The following ROBO2 variants were observed in gnomAD, a reference collection of about 807,000 sequenced individuals.
ROBO2 encodes the protein roundabout guidance receptor 2.
A neutral mutation model predicts 160.8 loss-of-function variants in ROBO2; 53 were observed. The ratio of observed to expected loss-of-function variants is 0.33; its 90% CI spans 0.26 to 0.41. The LOEUF (loss-of-function observed/expected upper bound fraction) is 0.41, where lower values mean the gene tolerates loss of function less well. Ranked by LOEUF, ROBO2 falls within the 10% of genes least tolerant of loss-of-function variation. The pLI is 1.00. For synonymous variants in ROBO2, 664 were observed against 611.7 expected, an observed-to-expected ratio of 1.09 and a Z score of -1.26; for missense variants, 1,577 against 1,722.4, an observed-to-expected ratio of 0.92 and a Z score of 1.49.
intron 2 of ROBO2, among the ~76,000 whole-genome samples, chr3:76,096,757 A>G (rs889817443): frequency 2.7e-4 from 41 of 152,328 alleles, no homozygotes; most frequent in African/African-American, 9.1e-4. Flanking sequence ...TCTTCATTTC[A>G]TAGAAAAGTA....
chr3:76,263,139 AC>A (rs1706871961), intron 2 of ROBO2, among the ~76,000 whole-genome samples: 1 of 152,082 alleles, frequency 6.6e-6, no homozygotes, highest in African/African-American at 2.4e-5. Flanking sequence ...TTACTACTTA[AC>A]TGTAATACTA....
At chr3:76,496,428 G>C (rs934436876) in intron 2 of ROBO2, among the ~76,000 whole-genome samples, 5 of 152,206 alleles carry the variant, frequency 3.3e-5, no homozygotes, top group Non-Finnish European at 5.9e-5. Context: ...GAATGCCTCA[G>C]ATTCTGTTCT....
At position 76,344,576 on chromosome 3, in the gene ROBO2, A is replaced by G. The variant is rs145009316; in HGVS notation, c.109+406974A>G. ...AGTAGTCTATGTGAAACGTGGACCT[A>G]TTTCAGAAAAGGCTCTATTACTTGG... On this transcript the variant is annotated intron_variant, in intron 2 of 26. Transcript: ENST00000487694. Among the ~76,000 whole-genome samples the G allele has an allele frequency of 8.2e-3, 1,253 of 152,320 alleles. 19 individuals carry two copies. The highest frequency in any genetic ancestry group is 0.026 in the African/African-American group (1,069 of 41,572).
chr3:76,192,382 T>A (rs1159456427), intron 2 of ROBO2, among the ~76,000 whole-genome samples: 1 of 152,080 alleles, frequency 6.6e-6, no homozygotes, highest in Non-Finnish European at 1.5e-5. Flanking sequence ...CCTTTCAAGC[T>A]TATTCTTGTT....
Position 76,247,984 on chromosome 3 carries a change from G to A in ROBO2, c.109+310382G>A, listed in dbSNP as rs551777368. On this transcript the variant is annotated intron_variant, in intron 2 of 26. Coordinates refer to the ROBO2 transcript ENST00000487694. ...TAGAATGGCAATCATTAAAAAGTCA[G>A]GAAACAACAGGTGCTGGAGAGGATG... 3.6e-3 allele frequency among the ~76,000 whole-genome samples: 543 copies of A among 151,764 alleles called. 6 individuals carry two copies. The highest frequency in any genetic ancestry group is 5.8e-3 in the Non-Finnish European group (392 of 67,952).
At chr3:77,560,245 A>T (rs887208366) in intron 9 of ROBO2, among the ~76,000 whole-genome samples, 31 of 152,248 alleles carry the variant, frequency 2.0e-4, no homozygotes, top group African/African-American at 7.5e-4. Flanking sequence ...GTGCACAAGG[A>T]GAAAAGTAGA....
chr3:75,993,716 C>A lies in ROBO2; in HGVS notation c.109+56114C>A, dbSNP rs545543570. ...GTGATGGTAGGCAGAGAAGGTGTGG[C>A]AATGCAGATTTCTGACCTCTTGACT... On this transcript the variant is annotated intron_variant, in intron 2 of 26. Coordinates refer to the ROBO2 transcript ENST00000487694. 8.4e-4 allele frequency among the ~76,000 whole-genome samples: 128 copies of A among 152,206 alleles called. 1 individual carries two copies. The highest frequency in any genetic ancestry group is 2.9e-3 in the African/African-American group (121 of 41,534).
At chr3:77,388,448 G>A (rs1413511287) in intron 2 of ROBO2, among the ~76,000 whole-genome samples, 1 of 152,068 alleles carries the variant, frequency 6.6e-6, no homozygotes, top group Non-Finnish European at 1.5e-5. Flanking sequence ...GAAAAACTAT[G>A]TTGGGATCTT....
At chr3:76,217,737 G>A (rs1703655309) in intron 2 of ROBO2, among the ~76,000 whole-genome samples, 1 of 152,130 alleles carries the variant, frequency 6.6e-6, no homozygotes, top group Non-Finnish European at 1.5e-5. Flanking sequence ...AGAGGTACAA[G>A]GAGGAACTGG....
chr3:77,148,402 C>T (rs942671443), intron 2 of ROBO2, among the ~76,000 whole-genome samples: 7 of 152,216 alleles, frequency 4.6e-5, no homozygotes, highest in Admixed American at 4.6e-4. Context: ...CTTCCCTCTT[C>T]TAATCATTTC....
chr3:76,073,298 T>C (rs1456611010), intron 2 of ROBO2, among the ~76,000 whole-genome samples: 1 of 47,256 alleles, frequency 2.1e-5, no homozygotes, highest in Non-Finnish European at 3.6e-5. Context: ...TTTTTTTTTT[T>C]TTTTTTTTTT....
chr3:76,565,634 A>G (rs556594580), intron 2 of ROBO2, among the ~76,000 whole-genome samples: 8 of 152,292 alleles, frequency 5.3e-5, no homozygotes, highest in African/African-American at 1.9e-4. Context: ...TACAACAACT[A>G]TCTCATCTCC....
intron 2 of ROBO2, among the ~76,000 whole-genome samples, chr3:76,305,033 G>C (rs974197544): frequency 6.6e-6 from 1 of 151,732 alleles, no homozygotes; most frequent in African/African-American, 2.4e-5. Flanking sequence ...ATATAAATAG[G>C]ATATTTTACA....
At chr3:76,363,355 A>T (rs2075633400) in intron 2 of ROBO2, among the ~76,000 whole-genome samples, 1 of 152,082 alleles carries the variant, frequency 6.6e-6, no homozygotes, top group African/African-American at 2.4e-5. Flanking sequence ...TAATGAATGA[A>T]TTGGCCTCAT....
At chr3:76,284,737 A>G (rs955442128) in intron 2 of ROBO2, among the ~76,000 whole-genome samples, 5 of 152,070 alleles carry the variant, frequency 3.3e-5, no homozygotes, top group African/African-American at 4.8e-5. Flanking sequence ...TGACCTTTGG[A>G]TGTTTGATTC....
chr3:76,207,513 A>G (rs1702887918), intron 2 of ROBO2, among the ~76,000 whole-genome samples: 1 of 152,188 alleles, frequency 6.6e-6, no homozygotes, highest in Non-Finnish European at 1.5e-5. Context: ...GCTTCAATTA[A>G]TATATTTAAA....
chr3:77,522,628 A>G, intron 5 of ROBO2, 147 bp from the exon 6 acceptor site: 2 of 761,076 alleles, frequency 2.6e-6, no homozygotes. Flanking sequence ...CTTTAATCTA[A>G]GTAATTGCAC....
At chr3:76,828,069 T>G (rs1004685713) in intron 2 of ROBO2, among the ~76,000 whole-genome samples, 1 of 152,146 alleles carries the variant, frequency 6.6e-6, no homozygotes, top group Non-Finnish European at 1.5e-5. Context: ...GGAAATAAAA[T>G]AAAGTTATGT....
intron 2 of ROBO2, among the ~76,000 whole-genome samples, chr3:76,851,772 CAT>C (rs147242388): frequency 0.097 from 13,274 of 136,732 alleles, 866 homozygotes; most frequent in East Asian, 0.21. Flanking sequence ...AAAATATTAA[CAT>C]GTGCTTGAAT....
Sources: gnomAD v4.1 joint callset for allele counts (sites outside exome capture counted in the v4.1 genomes callset) on GRCh38, gnomAD v4.1.1 for gene constraint, MANE v1.5 for transcripts, NCBI Gene and HGNC (gene_info 2026-07-23, HGNC 2026-07-21) for gene names.